The following ATE1 variants were observed in gnomAD, a reference collection of about 807,000 sequenced individuals.
ATE1 encodes arginyltransferase 1.
Under a neutral mutation model 70.5 loss-of-function variants are expected in ATE1, and 36 were observed. The ratio of observed to expected loss-of-function variants is 0.51; its 90% confidence interval spans 0.39 to 0.67. The LOEUF is 0.67. ATE1 is among the 30% of genes least tolerant of loss of function. The pLI is 0.00. For synonymous variants in ATE1, 232 were observed against 219.3 expected (o/e 1.06, Z -0.51); for missense variants, 593 against 629.5 (o/e 0.94, Z 0.62).
At chr10:121,802,004 C>A (rs1946901391) in intron 10 of ATE1, among the ~76,000 whole-genome samples, 1 of 151,078 alleles carries the variant, frequency 6.6e-6, no homozygotes, top group South Asian at 2.1e-4. Flanking sequence ...AGATAAATCA[C>A]TAAAAATTCA....
chr10:121,819,100 G>C (rs1947679966), intron 10 of ATE1, among the ~76,000 whole-genome samples: 1 of 152,150 alleles, frequency 6.6e-6, no homozygotes, highest in Non-Finnish European at 1.5e-5. Flanking sequence ...GATAAAAGAA[G>C]ATAATTCACT....
At chr10:121,764,483 CAAAAA>C (rs56333855) in intron 11 of ATE1, among the ~76,000 whole-genome samples, 56 of 123,696 alleles carry the variant, frequency 4.5e-4, no homozygotes, top group Non-Finnish European at 6.3e-4. Context: ...CCGGTTCCTG[CAAAAA>C]AAAAAAAAAA....
chr10:121,899,416 T>C (rs1950896695), intron 7 of ATE1, among the ~76,000 whole-genome samples: 1 of 152,230 alleles, frequency 6.6e-6, no homozygotes, highest in Admixed American at 6.5e-5. Context: ...TTAGTCCCAC[T>C]CAATTGTGCA....
chr10:121,926,028 G>A (rs1952075480), intron 1 of ATE1, among the ~76,000 whole-genome samples: 2 of 152,086 alleles, frequency 1.3e-5, no homozygotes, highest in South Asian at 4.1e-4. Flanking sequence ...CCAACATGGT[G>A]AAACCCCGTC....
intron 11 of ATE1, among the ~76,000 whole-genome samples, chr10:121,778,568 T>A (rs1251039391): frequency 8.2e-4 from 1 of 1,220 alleles, no homozygotes; most frequent in Non-Finnish European, 9.3e-3. Context: ...GGCCAGCTTT[T>A]TTTTTTTTTT....
chr10:121,831,709 A>G (rs1371868406), intron 10 of ATE1, among the ~76,000 whole-genome samples: 2 of 152,248 alleles, frequency 1.3e-5, no homozygotes, highest in Non-Finnish European at 2.9e-5. Flanking sequence ...ATTTTCTAAA[A>G]AAATGGCAGA....
chr10:121,807,035 A>G (rs1012954081), intron 10 of ATE1, among the ~76,000 whole-genome samples: 5 of 152,192 alleles, frequency 3.3e-5, no homozygotes, highest in Non-Finnish European at 5.9e-5. Context: ...CCTCTCCAAG[A>G]GCTCCCTGAA....
intron 7 of ATE1, among the ~76,000 whole-genome samples, chr10:121,876,737 C>A (rs187506750): frequency 6.6e-6 from 1 of 152,024 alleles, no homozygotes; most frequent in South Asian, 2.1e-4. Context: ...GAGGCCGAGG[C>A]GGGCGGATCA....
At chr10:121,920,765 CAGGTGGATCATG>C (rs1951849516) in intron 3 of ATE1, among the ~76,000 whole-genome samples, 1 of 152,044 alleles carries the variant, frequency 6.6e-6, no homozygotes, top group Non-Finnish European at 1.5e-5. Context: ...GAGGCTGAGG[CAGGTGGATCATG>C]AGGTCAGGAG....
intron 7 of ATE1, among the ~76,000 whole-genome samples, chr10:121,897,491 CA>C (rs1030826188): frequency 6.6e-6 from 1 of 152,098 alleles, no homozygotes; most frequent in African/African-American, 2.4e-5. Context: ...CATAGCCTCT[CA>C]AAACTGAAAT....
At chr10:121,825,277 C>G (rs1011338403) in intron 10 of ATE1, among the ~76,000 whole-genome samples, 12 of 152,148 alleles carry the variant, frequency 7.9e-5, no homozygotes, top group African/African-American at 2.9e-4. Flanking sequence ...GGACTCATTT[C>G]TATTGAAGTT....
At chr10:121,843,033 G>A (rs1003671409) in intron 8 of ATE1, among the ~76,000 whole-genome samples, 3 of 152,116 alleles carry the variant, frequency 2.0e-5, no homozygotes, top group Admixed American at 6.5e-5. Context: ...GGAAAAGCCT[G>A]TCTTTCTTTA....
At chr10:121,786,905 T>C (rs1946238996) in intron 11 of ATE1, among the ~76,000 whole-genome samples, 1 of 152,216 alleles carries the variant, frequency 6.6e-6, no homozygotes, top group Non-Finnish European at 1.5e-5. Flanking sequence ...CAGTTACTAA[T>C]TTAAAAAATC....
At chr10:121,751,736 T>C (rs761685802) in intron 11 of ATE1, among the ~76,000 whole-genome samples, 1 of 152,212 alleles carries the variant, frequency 6.6e-6, no homozygotes, top group Non-Finnish European at 1.5e-5. Context: ...GGAAATACAC[T>C]CTCTCATTCT....
At chr10:121,872,083 G>T (rs1464941672) in intron 7 of ATE1, among the ~76,000 whole-genome samples, 3 of 152,008 alleles carry the variant, frequency 2.0e-5, no homozygotes, top group Non-Finnish European at 1.5e-5. Flanking sequence ...GATTCTGAAG[G>T]GTTCTACGCT....
intron 7 of ATE1, among the ~76,000 whole-genome samples, chr10:121,871,401 G>A (rs1472139428): frequency 6.6e-6 from 1 of 152,182 alleles, no homozygotes; most frequent in Non-Finnish European, 1.5e-5. Context: ...GGAGGTTGCA[G>A]TGAGCCAAGA....
At chr10:121,885,002 T>C (rs1590625978) in intron 7 of ATE1, among the ~76,000 whole-genome samples, 1 of 152,196 alleles carries the variant, frequency 6.6e-6, no homozygotes, top group Non-Finnish European at 1.5e-5. Flanking sequence ...GGCTCATGCC[T>C]GTAATCCCAG....
chr10:121,891,833 A>C (rs1950589006), intron 7 of ATE1, among the ~76,000 whole-genome samples: 1 of 152,208 alleles, frequency 6.6e-6, no homozygotes, highest in Non-Finnish European at 1.5e-5. Context: ...CAACGAAAAA[A>C]GCAAAAAATG....
At chr10:121,799,902 T>G (rs1261042503) in intron 10 of ATE1, among the ~76,000 whole-genome samples, 1 of 152,216 alleles carries the variant, frequency 6.6e-6, no homozygotes, top group Non-Finnish European at 1.5e-5. Flanking sequence ...TTATTTACAT[T>G]ATAATGGAAA....
Sources: gnomAD v4.1 joint callset for allele counts (sites outside exome capture counted in the v4.1 genomes callset) on GRCh38, gnomAD v4.1.1 for gene constraint, MANE v1.5 for transcripts, NCBI Gene and HGNC (gene_info 2026-07-23, HGNC 2026-07-21) for gene names.